The following MME variants were observed in gnomAD, a reference collection of about 807,000 sequenced individuals.
MME encodes the protein membrane metalloendopeptidase.
MME carries 98 observed loss-of-function variants against 113.2 expected under a neutral mutation model. That is an observed-to-expected ratio of 0.87 (90% CI 0.74 to 1.02). The LOEUF (loss-of-function observed/expected upper bound fraction) is 1.02, where lower values mean the gene tolerates loss of function less well. MME is among the 50% of genes least tolerant of loss of function. The pLI, the probability that MME is intolerant of heterozygous loss-of-function variation, is 0.00. For missense variants in MME, 836 were observed against 896.0 expected (o/e 0.93, Z 0.86); for synonymous variants, 292 against 300.6 (o/e 0.97, Z 0.30).
intron 16 of MME, among the ~76,000 whole-genome samples, chr3:155,151,401 C>G (rs1457436845): frequency 6.6e-6 from 1 of 152,124 alleles, no homozygotes; most frequent in Non-Finnish European, 1.5e-5. Flanking sequence ...TTCAATTAGC[C>G]AAATAGTAAA....
At chr3:155,080,493 G>A (rs1715033353) in intron 1 of MME, 27 bp downstream of exon 1, 1 of 152,162 alleles carries the variant, frequency 6.6e-6, no homozygotes, top group Admixed American at 6.5e-5. Context: ...GTTTCTGTCG[G>A]ATTTTCTCAT....
intron 8 of MME, among the ~76,000 whole-genome samples, chr3:155,119,073 A>G (rs1718873006): frequency 6.6e-6 from 1 of 152,242 alleles, no homozygotes. Context: ...CATATGATCG[A>G]TTTTGAAAAG....
At chr3:155,129,029 A>T (rs1719927034) in intron 8 of MME, among the ~76,000 whole-genome samples, 1 of 152,204 alleles carries the variant, frequency 6.6e-6, no homozygotes, top group African/African-American at 2.4e-5. Context: ...AGGTATATTT[A>T]TACAATCAAT....
At chr3:155,150,004 C>A (rs1235457555) in intron 16 of MME, among the ~76,000 whole-genome samples, 2 of 152,276 alleles carry the variant, frequency 1.3e-5, no homozygotes, top group Admixed American at 1.3e-4. Flanking sequence ...TCTCTTGAAA[C>A]ACACAAAAAG....
intron 1 of MME, among the ~76,000 whole-genome samples, chr3:155,070,028 A>C (rs770767316): frequency 2.6e-5 from 4 of 152,216 alleles, no homozygotes; most frequent in Non-Finnish European, 5.9e-5. Context: ...TAGATAAGAC[A>C]GGTGGACGAT....
In MME at chr3:155,168,520, C is replaced by G; in HGVS notation, c.1809C>G (p.Leu603=). The part of the protein sequence containing the change: ...NGRNFNKDGD[L]VDWWTQQSAS... ...GAAACTTTAACAAAGATGGAGACCTCGTTGACTGGTGGACTCAACAGTCTG... is the reference window on the plus strand; with the variant it reads ...GAAACTTTAACAAAGATGGAGACCTGGTTGACTGGTGGACTCAACAGTCTG... The change falls in exon 19 of 23, where the codon CTC becomes CTG. Residue 603 remains leucine, a synonymous_variant. Coordinates refer to ENST00000360490, the MANE Select transcript of MME (RefSeq NM_007289.4). The G allele has an allele frequency of 6.2e-7, 1 of 1,613,076 alleles. No individual in the cohort carries two copies. Among genetic ancestry groups the G allele is most frequent in the Non-Finnish European group, 8.5e-7 (1 of 1,179,236 alleles).
At chr3:155,049,155 T>C (rs1163401881) in intron 1 of MME, among the ~76,000 whole-genome samples, 1 of 152,162 alleles carries the variant, frequency 6.6e-6, no homozygotes, top group Non-Finnish European at 1.5e-5. Flanking sequence ...GTGAATTGAA[T>C]AGTGTTACCC....
chr3:155,078,045 TACACACACACACACACAC>T (rs34585642), upstream of MME, among the ~76,000 whole-genome samples: 5 of 139,758 alleles, frequency 3.6e-5, no homozygotes, highest in Admixed American at 7.2e-5. Flanking sequence ...AAAGTAAAAG[TACACACACACACACACAC>T]ACACACACAC....
At chr3:155,038,556 C>T (rs866822965) in intron 1 of MME, among the ~76,000 whole-genome samples, 1 of 152,146 alleles carries the variant, frequency 6.6e-6, no homozygotes, top group African/African-American at 2.4e-5. Context: ...AATAATTGGA[C>T]TCTAAATGAA....
chr3:155,082,487 C>A (rs1443059362), intron 1 of MME, among the ~76,000 whole-genome samples: 1 of 152,146 alleles, frequency 6.6e-6, no homozygotes, highest in African/African-American at 2.4e-5. Flanking sequence ...CTTTGCCCAA[C>A]CAATACACTA....
chr3:155,116,412 G>A, intron 4 of MME, 67 bp from the exon 5 acceptor site: 5 of 1,172,056 alleles, frequency 4.3e-6, no homozygotes, highest in Non-Finnish European at 6.4e-6. Flanking sequence ...CTGCAAATGA[G>A]CAATTATGTT....
intron 3 of MME, among the ~76,000 whole-genome samples, chr3:155,087,887 G>A (rs147016514): frequency 2.0e-5 from 3 of 152,258 alleles, no homozygotes; most frequent in Non-Finnish European, 4.4e-5. Context: ...TTAGAGATAG[G>A]ATTTTTAAAT....
chr3:155,094,522 A>G (rs1716561593), intron 3 of MME, among the ~76,000 whole-genome samples: 2 of 152,346 alleles, frequency 1.3e-5, no homozygotes, highest in Non-Finnish European at 1.5e-5. Flanking sequence ...ATCAAATCAA[A>G]AGGCGAACAG....
intron 16 of MME, among the ~76,000 whole-genome samples, chr3:155,151,407 G>A (rs1323012088): frequency 6.6e-6 from 1 of 152,150 alleles, no homozygotes; most frequent in Admixed American, 6.5e-5. Context: ...TAGCCAAATA[G>A]TAAACTTCTA....
chr3:155,032,591 C>G (rs955306618), intron 1 of MME, among the ~76,000 whole-genome samples: 2 of 152,174 alleles, frequency 1.3e-5, no homozygotes, highest in African/African-American at 4.8e-5. Context: ...AAAGGAGCCT[C>G]AACAGATGCC....
intron 3 of MME, among the ~76,000 whole-genome samples, chr3:155,110,837 T>A (rs1455589281): frequency 1.3e-5 from 2 of 152,228 alleles, no homozygotes; most frequent in Non-Finnish European, 2.9e-5. Context: ...CCTTCTAGAT[T>A]TTCTGTGCTT....
At chr3:155,027,953 G>A (rs1712841292) in intron 1 of MME, among the ~76,000 whole-genome samples, 1 of 152,152 alleles carries the variant, frequency 6.6e-6, no homozygotes, top group Non-Finnish European at 1.5e-5. Context: ...AAATAGAGAT[G>A]TACTTTTTTG....
At chr3:155,029,885 C>A (rs1192295762) in intron 1 of MME, among the ~76,000 whole-genome samples, 1 of 152,146 alleles carries the variant, frequency 6.6e-6, no homozygotes, top group East Asian at 1.9e-4. Context: ...TGAAATATCA[C>A]ATACTCATGA....
At chr3:155,163,516 A>G (rs1722864145) in intron 17 of MME, among the ~76,000 whole-genome samples, 1 of 152,210 alleles carries the variant, frequency 6.6e-6, no homozygotes. Context: ...CCCCTGTGCC[A>G]TGACATTAGG....
Sources: allele counts gnomAD v4.1 joint callset (sites outside exome capture counted in the v4.1 genomes callset), GRCh38; gene constraint gnomAD v4.1.1; transcripts MANE v1.5; gene names NCBI Gene and HGNC (gene_info 2026-07-23, HGNC 2026-07-21).